CNTNAP4: variants seen among roughly 807,000 people sequenced by gnomAD.
CNTNAP4 encodes the protein contactin-associated protein-like 4.
Under a neutral mutation model 148.4 loss-of-function variants are expected in CNTNAP4, and 98 were observed. That is an observed-to-expected ratio of 0.66 (90% CI 0.56 to 0.78). The LOEUF (loss-of-function observed/expected upper bound fraction) is 0.78, where lower values mean the gene tolerates loss of function less well. Ranked by LOEUF, CNTNAP4 falls within the 30% of genes least tolerant of loss-of-function variation. The pLI is 0.00. For missense variants in CNTNAP4, 1,935 were observed against 1,565.6 expected, an observed-to-expected ratio of 1.24 and a Z score of -3.98; for synonymous variants, 730 against 565.1, an observed-to-expected ratio of 1.29 and a Z score of -4.14.
At chr16:76,342,190 G>A (rs1407182973) in intron 2 of CNTNAP4, among the ~76,000 whole-genome samples, 1 of 152,052 alleles carries the variant, frequency 6.6e-6, no homozygotes, top group Non-Finnish European at 1.5e-5. Flanking sequence ...AATGCCCCTG[G>A]CTGTCATATT....
At chr16:76,392,030 G>GC (rs1346231753) in intron 3 of CNTNAP4, among the ~76,000 whole-genome samples, 2 of 151,988 alleles carry the variant, frequency 1.3e-5, no homozygotes, top group African/African-American at 4.8e-5. Flanking sequence ...TCCCTCTGTC[G>GC]CCCAGGCTGG....
At chr16:76,535,221 A>G (rs1013588590) in intron 17 of CNTNAP4, among the ~76,000 whole-genome samples, 7 of 152,180 alleles carry the variant, frequency 4.6e-5, no homozygotes, top group Admixed American at 1.3e-4. Flanking sequence ...TCAAATTCCC[A>G]GAAAGTAGTT....
In CNTNAP4 at chr16:76,403,094, A is replaced by T. The variant is rs75914375; in HGVS notation, c.391-24358A>T. On this transcript the variant is annotated intron_variant, in intron 3 of 23. Coordinates refer to ENST00000611870, the MANE Select transcript of CNTNAP4 (RefSeq NM_033401.5). Reference sequence around the variant, plus strand: ...AACACTGTTGTTGTTGTTGGGTTTTATTTTTTTTTTTTTTTTGAGACGAAG... The same window carrying T: ...AACACTGTTGTTGTTGTTGGGTTTTTTTTTTTTTTTTTTTTTGAGACGAAG... Among the ~76,000 whole-genome samples, 947 of 129,820 alleles carry T rather than the reference A, an allele frequency of 7.3e-3. 15 individuals carry two copies. The highest frequency in any genetic ancestry group is 0.029 in the African/African-American group (854 of 29,328). 85.2% of individuals were successfully genotyped at this position (129,820 alleles called of 152,430 possible).
At chr16:76,397,048 G>T (rs951272669) in intron 3 of CNTNAP4, among the ~76,000 whole-genome samples, 2 of 152,154 alleles carry the variant, frequency 1.3e-5, no homozygotes, top group Non-Finnish European at 2.9e-5. Context: ...GAGGTCTCAT[G>T]GGTGGGTGGC....
At chr16:76,338,868 A>T (rs998135320) in intron 2 of CNTNAP4, among the ~76,000 whole-genome samples, 1 of 152,202 alleles carries the variant, frequency 6.6e-6, no homozygotes, top group Admixed American at 6.6e-5. Context: ...ACAAATTAGG[A>T]CAGTGAAGCC....
chr16:76,376,691 G>A (rs562273199), intron 3 of CNTNAP4, among the ~76,000 whole-genome samples: 101 of 152,292 alleles, frequency 6.6e-4, no homozygotes, highest in African/African-American at 2.2e-3. Context: ...CACAGGAACT[G>A]AGGGCATAGA....
At chr16:76,355,970 G>T (rs550059938) in intron 3 of CNTNAP4, among the ~76,000 whole-genome samples, 1 of 151,822 alleles carries the variant, frequency 6.6e-6, no homozygotes, top group South Asian at 2.1e-4. Context: ...TGCCTCCCGG[G>T]TTCAAGCGAT....
intron 3 of CNTNAP4, among the ~76,000 whole-genome samples, chr16:76,376,907 TTGTGTGTGTGTG>T (rs5817987): frequency 0.016 from 2,234 of 143,516 alleles, 32 homozygotes; most frequent in African/African-American, 0.026. Flanking sequence ...CTAACAAGGT[TTGTGTGTGTGTG>T]TGTGTGTGTG....
At chr16:76,535,865 A>G in intron 18 of CNTNAP4, 81 bp downstream of exon 18, 1 of 1,449,772 alleles carries the variant, frequency 6.9e-7, no homozygotes, top group Admixed American at 2.3e-5. Context: ...CTATGCAGCT[A>G]TTTGAAACAA....
intron 16 of CNTNAP4, among the ~76,000 whole-genome samples, chr16:76,521,713 G>T (rs890113189): frequency 6.6e-6 from 1 of 152,036 alleles, no homozygotes; most frequent in African/African-American, 2.4e-5. Context: ...TTATTTTTAC[G>T]TACAATGCCA....
chr16:76,301,103 T>A (rs1171689061), intron 1 of CNTNAP4, among the ~76,000 whole-genome samples: 1 of 152,256 alleles, frequency 6.6e-6, no homozygotes, highest in East Asian at 1.9e-4. Context: ...ATAGTCTTCA[T>A]AATTCCAGGA....
intron 19 of CNTNAP4, among the ~76,000 whole-genome samples, chr16:76,539,037 A>C (rs761145144): frequency 5.3e-5 from 8 of 151,932 alleles, no homozygotes; most frequent in Non-Finnish European, 1.0e-4. Context: ...TGAACACCAA[A>C]ATAAAAATAA....
At chr16:76,302,811 T>G (rs1278677330) in intron 1 of CNTNAP4, among the ~76,000 whole-genome samples, 1 of 140,516 alleles carries the variant, frequency 7.1e-6, no homozygotes, top group African/African-American at 2.5e-5. Context: ...TTCTGTCCAC[T>G]GAGGGGCTCA....
intron 3 of CNTNAP4, among the ~76,000 whole-genome samples, chr16:76,396,489 G>T (rs565733686): frequency 8.7e-4 from 132 of 152,338 alleles, no homozygotes; most frequent in African/African-American, 3.0e-3. Context: ...CAAAGAGGTG[G>T]ATGTCCAGTC....
At chr16:76,496,736 A>C (rs2082414218) in intron 14 of CNTNAP4, among the ~76,000 whole-genome samples, 1 of 152,170 alleles carries the variant, frequency 6.6e-6, no homozygotes, top group Non-Finnish European at 1.5e-5. Flanking sequence ...AGATTCTGGA[A>C]TCTTTACAAT....
intron 4 of CNTNAP4, among the ~76,000 whole-genome samples, chr16:76,433,932 T>C (rs1048897853): frequency 2.0e-5 from 3 of 152,108 alleles, no homozygotes; most frequent in African/African-American, 7.2e-5. Context: ...GTATAAATTC[T>C]CTAATTCTTT....
chr16:76,467,867 A>G (rs1350594844), intron 10 of CNTNAP4, among the ~76,000 whole-genome samples: 1 of 152,160 alleles, frequency 6.6e-6, no homozygotes, highest in Non-Finnish European at 1.5e-5. Flanking sequence ...TGAACAGTAA[A>G]ATTGATCATC....
chr16:76,550,738 A>G (rs895699579), intron 21 of CNTNAP4, among the ~76,000 whole-genome samples: 2 of 152,042 alleles, frequency 1.3e-5, no homozygotes, highest in Non-Finnish European at 2.9e-5. Context: ...TTAAATCTAC[A>G]TATATTCAAA....
Position 76,500,775 on chromosome 16 carries a change from T to TTA in CNTNAP4, c.2365+2093_2365+2094dup, listed in dbSNP as rs925784279. On this transcript the variant is annotated intron_variant, in intron 15 of 23. Transcript: ENST00000611870. ...TGTTCCATATATACATATATATGTT[T>TTA]TATATATATATATTTTCTTTGATCA... Among the ~76,000 whole-genome samples, 68 of 151,422 alleles carry TTA rather than the reference T, an allele frequency of 4.5e-4. 1 individual carries two copies. The highest frequency in any genetic ancestry group is 6.2e-4 in the Non-Finnish European group (42 of 67,866).
Sources: allele counts gnomAD v4.1 joint callset (sites outside exome capture counted in the v4.1 genomes callset), GRCh38; gene constraint gnomAD v4.1.1; transcripts MANE v1.5; gene names NCBI Gene and HGNC (gene_info 2026-07-23, HGNC 2026-07-21).